Variants in FRMD4B observed in about 807,000 individuals in gnomAD.
The protein encoded by FRMD4B is FERM domain containing 4B.
FRMD4B carries 74 observed loss-of-function variants against 141.5 expected under a neutral mutation model. The ratio of observed to expected loss-of-function variants is 0.52; its 90% confidence interval spans 0.43 to 0.63. FRMD4B has a LOEUF of 0.63. Ranked by LOEUF, FRMD4B falls within the 30% of genes least tolerant of loss-of-function variation. The probability of loss-of-function intolerance (pLI) is 0.00; values close to 1 mark genes in which losing one functional copy is unlikely to be tolerated. For synonymous variants in FRMD4B, 506 were observed against 467.9 expected, an observed-to-expected ratio of 1.08 and a Z score of -1.05; for missense variants, 1,366 against 1,253.4, an observed-to-expected ratio of 1.09 and a Z score of -1.36.
intron 1 of FRMD4B, among the ~76,000 whole-genome samples, chr3:69,361,594 T>C (rs193156350): frequency 6.6e-6 from 1 of 152,326 alleles, no homozygotes; most frequent in Admixed American, 6.5e-5. Flanking sequence ...AATTGAATTA[T>C]GGAGTATGTA....
rs781662739 is a variant in FRMD4B, at chr3:69,253,181, C to CTTTTTTTTTTTTTTTTTTTTTTT, written c.502-3083_502-3082insAAAAAAAAAAAAAAAAAAAAAAA. The stretch of plus-strand genomic sequence containing the variant: ...AGGGAAATTAGTGAAAATATGATTC[C>CTTTTTTTTTTTTTTTTTTTTTTT]TATTTTTTTTTTTTTTTTTTTTTGC... On this transcript the variant is annotated intron_variant, in intron 5 of 22. Transcript: ENST00000398540. 1.6e-5 allele frequency among the ~76,000 whole-genome samples: 2 copies of CTTTTTTTTTTTTTTTTTTTTTTT among 121,952 alleles called. 1 individual carries two copies. Among genetic ancestry groups the CTTTTTTTTTTTTTTTTTTTTTTT allele is most frequent in the African/African-American group, 6.1e-5 (2 of 32,546 alleles). 80.0% of individuals were successfully genotyped at this position (121,952 alleles called of 152,430 possible).
At chr3:69,215,230 C>T (rs1233710407) in intron 11 of FRMD4B, among the ~76,000 whole-genome samples, 3 of 137,276 alleles carry the variant, frequency 2.2e-5, no homozygotes, top group African/African-American at 2.7e-5. Flanking sequence ...TTTAAATGGA[C>T]ATTAATGTTA....
chr3:69,433,702 G>T (rs1705215101), intron 1 of FRMD4B, among the ~76,000 whole-genome samples: 1 of 152,222 alleles, frequency 6.6e-6, no homozygotes, highest in East Asian at 1.9e-4. Flanking sequence ...TAACTCAAAT[G>T]AGAGCACAGA....
At chr3:69,289,463 A>G (rs770057224) in intron 4 of FRMD4B, among the ~76,000 whole-genome samples, 2 of 152,178 alleles carry the variant, frequency 1.3e-5, no homozygotes, top group African/African-American at 4.8e-5. Context: ...ATTAGTGTCC[A>G]CTGCCCCGGA....
chr3:69,376,898 A>G (rs1703986984), intron 1 of FRMD4B: 1 of 152,196 alleles, frequency 6.6e-6, no homozygotes, highest in African/African-American at 2.4e-5. Context: ...CAGAATAAAC[A>G]TAAGTAGGGG....
chr3:69,240,001 C>T lies in FRMD4B; in HGVS notation c.581+9225G>A, dbSNP rs560736607. 1.9e-4 allele frequency among the ~76,000 whole-genome samples: 29 copies of T among 151,366 alleles called. No homozygotes were observed. The South Asian group carries it at 3.8e-3, about 20-fold the overall frequency. On this transcript the variant is annotated intron_variant, in intron 7 of 22. Coordinates refer to ENST00000398540, the MANE Select transcript of FRMD4B (RefSeq NM_015123.3). ...CCAAGAGGCGGAGGTTGCAGTGAGC[C>T]GAAATCATGCCACTTGCACTCCAGC...
intron 1 of FRMD4B, among the ~76,000 whole-genome samples, chr3:69,486,771 A>C (rs1296587978): frequency 6.6e-6 from 1 of 152,198 alleles, no homozygotes; most frequent in Admixed American, 6.5e-5. Context: ...TAGAAGAGAA[A>C]ACCCATACAC....
intron 1 of FRMD4B, among the ~76,000 whole-genome samples, chr3:69,371,883 T>C (rs1559834935): frequency 2.0e-5 from 3 of 152,184 alleles, no homozygotes; most frequent in African/African-American, 7.2e-5. Flanking sequence ...GCCCTCAGTA[T>C]ATATTTGTTG....
intron 1 of FRMD4B, among the ~76,000 whole-genome samples, chr3:69,439,618 G>A (rs979732382): frequency 6.6e-5 from 10 of 152,260 alleles, no homozygotes; most frequent in South Asian, 2.1e-4. Flanking sequence ...TTTCTGTCCC[G>A]AAGTAGAATC....
intron 1 of FRMD4B, among the ~76,000 whole-genome samples, chr3:69,366,729 T>C (rs1325727443): frequency 1.3e-5 from 2 of 152,116 alleles, no homozygotes; most frequent in Non-Finnish European, 2.9e-5. Context: ...TTTTCAATAG[T>C]ATTCATATCA....
intron 5 of FRMD4B, among the ~76,000 whole-genome samples, chr3:69,251,779 G>A (rs1161654198): frequency 2.6e-5 from 4 of 152,240 alleles, no homozygotes; most frequent in Admixed American, 6.5e-5. Context: ...GGCAGGAGAC[G>A]ATGGTTTTCC....
chr3:69,228,286 A>G (rs906401029), intron 7 of FRMD4B: 1 of 456,430 alleles, frequency 2.2e-6, no homozygotes, highest in South Asian at 1.5e-5. Flanking sequence ...TATCTTTTAG[A>G]CTTACAGAAT....
rs6763573 is a variant in FRMD4B, at chr3:69,351,611, G to A, written c.162+34217C>T. The stretch of plus-strand genomic sequence containing the variant: ...CCCACTTTTCTATTCCAAGATGCAC[G>A]CACCCATGTAAAGAAACTCTTGCTT... On this transcript the variant is annotated intron_variant, in intron 1 of 22. Transcript: ENST00000398540. Among the ~76,000 whole-genome samples, 621 of 152,212 alleles carry A rather than the reference G, an allele frequency of 4.1e-3. 5 individuals carry two copies. The highest frequency in any genetic ancestry group is 0.014 in the African/African-American group (581 of 41,534).
At chr3:69,378,996 C>A (rs1704045625) in intron 1 of FRMD4B, among the ~76,000 whole-genome samples, 1 of 152,160 alleles carries the variant, frequency 6.6e-6, no homozygotes, top group Admixed American at 6.5e-5. Context: ...CACTGATCAT[C>A]TAAAAAGGCA....
At chr3:69,197,142 T>A in intron 12 of FRMD4B, 104 bp from the exon 13 acceptor site, 1 of 857,770 alleles carries the variant, frequency 1.2e-6, no homozygotes, top group South Asian at 2.1e-5. Flanking sequence ...CTCTTACCTG[T>A]CTTCTGTTGC....
chr3:69,468,775 T>G (rs373287360), intron 1 of FRMD4B, among the ~76,000 whole-genome samples: 2 of 152,310 alleles, frequency 1.3e-5, no homozygotes, highest in African/African-American at 4.8e-5. Context: ...ATAATATTAT[T>G]GAGCGACTGA....
At chr3:69,184,231 T>G (rs529580245) in intron 19 of FRMD4B, among the ~76,000 whole-genome samples, 28 of 152,318 alleles carry the variant, frequency 1.8e-4, no homozygotes, top group African/African-American at 6.7e-4. Context: ...TTTTACATAG[T>G]CAGGCAACAT....
chr3:69,333,098 G>A (rs1460229694), intron 1 of FRMD4B, among the ~76,000 whole-genome samples: 1 of 152,160 alleles, frequency 6.6e-6, no homozygotes, highest in African/African-American at 2.4e-5. Flanking sequence ...TTGGGAATCT[G>A]CAGTGCTCCA....
chr3:69,495,824 TTGAC>T (rs1706374960), intron 1 of FRMD4B, among the ~76,000 whole-genome samples: 2 of 152,222 alleles, frequency 1.3e-5, no homozygotes, highest in Non-Finnish European at 2.9e-5. Context: ...TTATTGTTGT[TTGAC>T]TACGTTGAAA....
Sources: allele counts gnomAD v4.1 joint callset (sites outside exome capture counted in the v4.1 genomes callset), GRCh38; gene constraint gnomAD v4.1.1; transcripts MANE v1.5; gene names NCBI Gene and HGNC (gene_info 2026-07-23, HGNC 2026-07-21).